Variants in RIT2 observed in about 807,000 individuals in gnomAD.
RIT2 encodes the protein GTP-binding protein Rit2.
A neutral mutation model predicts 23.7 loss-of-function variants in RIT2; 24 were observed. The ratio of observed to expected loss-of-function variants is 1.01; its 90% confidence interval spans 0.73 to 1.43. The LOEUF is 1.43. Among genes scored for constraint, RIT2 ranks in the 40% most tolerant of loss-of-function variants. RIT2 has a pLI of 0.00. For missense variants in RIT2, 236 were observed against 266.9 expected (o/e 0.88, Z 0.81); for synonymous variants, 107 against 91.1 (o/e 1.17, Z -0.99).
chr18:42,902,612 A>G (rs1908506282), intron 4 of RIT2, among the ~76,000 whole-genome samples: 4 of 882 alleles, frequency 4.5e-3, no homozygotes, highest in South Asian at 0.038. Flanking sequence ...TGGGAATGGA[A>G]AAAAATTGGA....
chr18:42,996,855 G>T (rs1231147563), intron 2 of RIT2, among the ~76,000 whole-genome samples: 1 of 152,112 alleles, frequency 6.6e-6, no homozygotes, highest in East Asian at 1.9e-4. Context: ...CTTTACAGAA[G>T]ACTTGAGTTT....
chr18:42,876,571 A>T (rs1907748544), intron 4 of RIT2, among the ~76,000 whole-genome samples: 1 of 152,018 alleles, frequency 6.6e-6, no homozygotes, highest in Non-Finnish European at 1.5e-5. Context: ...AAAAGCAAAA[A>T]CCATGAATAA....
chr18:42,933,699 C>T (rs980495354), intron 3 of RIT2, among the ~76,000 whole-genome samples: 1 of 152,094 alleles, frequency 6.6e-6, no homozygotes, highest in African/African-American at 2.4e-5. Context: ...GTGAGGTCTC[C>T]CAGCCATGCT....
intron 1 of RIT2, among the ~76,000 whole-genome samples, chr18:43,069,246 A>AG (rs150341206): frequency 0.25 from 37,958 of 151,954 alleles, 4,842 homozygotes; most frequent in South Asian, 0.32. Flanking sequence ...CATTTTACCT[A>AG]GGGTGGCTGT....
chr18:43,082,008 T>G (rs1230775156), intron 1 of RIT2, among the ~76,000 whole-genome samples: 2 of 152,110 alleles, frequency 1.3e-5, no homozygotes, highest in Admixed American at 1.3e-4. Context: ...TTGTTTAAGA[T>G]AGTCGTAATC....
intron 4 of RIT2, among the ~76,000 whole-genome samples, chr18:42,766,946 A>G (rs1913437009): frequency 6.6e-6 from 1 of 152,202 alleles, no homozygotes; most frequent in South Asian, 2.1e-4. Context: ...GAAGTCAATA[A>G]TTTAGGTTTG....
At chr18:43,101,615 G>A (rs1477486286) in intron 1 of RIT2, among the ~76,000 whole-genome samples, 2 of 152,148 alleles carry the variant, frequency 1.3e-5, no homozygotes, top group Admixed American at 6.6e-5. Context: ...ATGCATGCCT[G>A]TCCCTCTTCA....
intron 4 of RIT2, among the ~76,000 whole-genome samples, chr18:42,770,090 T>C (rs889591203): frequency 4.9e-4 from 75 of 151,862 alleles, no homozygotes; most frequent in Admixed American, 4.8e-3. Context: ...CAGAGACTGC[T>C]TCATAGGGTC....
At chr18:42,949,123 T>C in intron 3 of RIT2, 1 of 396,912 alleles carries the variant, frequency 2.5e-6, no homozygotes, top group East Asian at 3.6e-5. Context: ...CCCTGCCACA[T>C]AGACCATGGC....
At chr18:43,092,488 A>C (rs1913446357) in intron 1 of RIT2, among the ~76,000 whole-genome samples, 1 of 152,074 alleles carries the variant, frequency 6.6e-6, no homozygotes, top group South Asian at 2.1e-4. Context: ...AAATAGCAGA[A>C]TAGATTCTCA....
Position 43,056,982 on chromosome 18 carries a change from G to A in RIT2, c.104-23115C>T, listed in dbSNP as rs568771599. The stretch of plus-strand genomic sequence containing the variant: ...TTTTCTTTTCCCTGGTGTGAGTTCT[G>A]GAAAAAATGAAATTCCTTGTTCTTG... On this transcript the variant is annotated intron_variant, in intron 1 of 4. Transcript: ENST00000326695. Among the ~76,000 whole-genome samples, 5 of 143,528 alleles carry A rather than the reference G, an allele frequency of 3.5e-5. No homozygotes were observed. In the Admixed American group the frequency reaches 3.8e-4, roughly 11 times the overall value. The allele number at this position is 143,528 out of a possible 152,430, so 94.2% of individuals were successfully genotyped here. A position where few individuals can be genotyped will look rare whatever the true frequency, so the allele number is the denominator to read the frequency against.
intron 3 of RIT2, among the ~76,000 whole-genome samples, chr18:42,949,791 T>C (rs893573610): frequency 6.6e-6 from 1 of 152,014 alleles, no homozygotes. Context: ...AGAATAAATT[T>C]GGTTGAATAA....
intron 1 of RIT2, among the ~76,000 whole-genome samples, chr18:43,078,958 G>A (rs1026474914): frequency 2.0e-5 from 3 of 152,090 alleles, no homozygotes; most frequent in Non-Finnish European, 4.4e-5. Context: ...GATCCACACC[G>A]TAATTAAATA....
intron 4 of RIT2, among the ~76,000 whole-genome samples, chr18:42,757,259 A>C (rs1217507575): frequency 1.3e-5 from 2 of 152,224 alleles, no homozygotes; most frequent in Admixed American, 6.5e-5. Flanking sequence ...GCAAAGTGTC[A>C]AAATGCTTGA....
chr18:43,050,963 C>G (rs1055512706), intron 1 of RIT2, among the ~76,000 whole-genome samples: 1 of 152,070 alleles, frequency 6.6e-6, no homozygotes, highest in Non-Finnish European at 1.5e-5. Context: ...TCCCTGAGTT[C>G]TCTGAGCAAC....
In RIT2 at chr18:42,948,978, T is replaced by A. The variant is rs554901722; in HGVS notation, c.234+25096A>T. On this transcript the variant is annotated intron_variant, in intron 3 of 4. Transcript: ENST00000326695. ...CTCTTGTTAAAGCTTCATTGGTTTT[T>A]CAACTTACTTTTCAGTTCTTCTGAT... 3 of 397,668 alleles carry A rather than the reference T, an allele frequency of 7.5e-6. No homozygotes were observed. The Admixed American group carries it at 1.3e-4, about 18-fold the overall frequency. The allele number at this position is 397,668 out of a possible 1,614,324, so 24.6% of individuals were successfully genotyped here. A position where few individuals can be genotyped will look rare whatever the true frequency, so the allele number is the denominator to read the frequency against.
chr18:42,873,609 C>T (rs1343424659), intron 4 of RIT2, among the ~76,000 whole-genome samples: 1 of 151,724 alleles, frequency 6.6e-6, no homozygotes, highest in Non-Finnish European at 1.5e-5. Flanking sequence ...CTCACTGTTC[C>T]TTGATGAGTT....
At chr18:42,906,321 T>G (rs1215861842) in intron 4 of RIT2, among the ~76,000 whole-genome samples, 1 of 152,092 alleles carries the variant, frequency 6.6e-6, no homozygotes, top group African/African-American at 2.4e-5. Flanking sequence ...TCTCTCACAG[T>G]GTCTCATCTA....
chr18:43,062,958 T>G (rs140381702), intron 1 of RIT2, among the ~76,000 whole-genome samples: 5,336 of 151,836 alleles, frequency 0.035, 135 homozygotes, highest in South Asian at 0.12. Context: ...AAATTTTGGG[T>G]TTTTTTTGAA....
Sources: gnomAD v4.1 joint callset for allele counts (sites outside exome capture counted in the v4.1 genomes callset) on GRCh38, gnomAD v4.1.1 for gene constraint, MANE v1.5 for transcripts, NCBI Gene and HGNC (gene_info 2026-07-23, HGNC 2026-07-21) for gene names.